Variants in SEC16B observed in about 807,000 individuals in gnomAD.
SEC16B encodes the protein SEC16 homolog B, endoplasmic reticulum export factor.
Under a neutral mutation model 141.8 loss-of-function variants are expected in SEC16B, and 115 were observed. The observed-to-expected ratio is 0.81, with a 90% CI of 0.70 to 0.95. SEC16B has a LOEUF of 0.95. Ranked by LOEUF, SEC16B falls within the 40% of genes least tolerant of loss-of-function variation. The probability of loss-of-function intolerance (pLI) is 0.00; values close to 1 mark genes in which losing one functional copy is unlikely to be tolerated. For synonymous variants in SEC16B, 493 were observed against 492.5 expected (o/e 1.00, Z -0.01); for missense variants, 1,291 against 1,312.3 (o/e 0.98, Z 0.25).
In SEC16B at chr1:177,930,646, G is replaced by A. The variant is rs1252405766; in HGVS notation, c.3013-3C>T. On this transcript the variant is annotated splice_polypyrimidine_tract_variant and splice_region_variant and intron_variant, in intron 24 of 25. Coordinates refer to ENST00000308284, the MANE Select transcript of SEC16B (RefSeq NM_033127.4). ...GAGCAGAGCTCAAAGGAAACACTCTGTGATGGAAAAGCATGGAAAATCCCA... is the reference window on the plus strand; with the variant it reads ...GAGCAGAGCTCAAAGGAAACACTCTATGATGGAAAAGCATGGAAAATCCCA... 1.9e-6 allele frequency: 3 copies of A among 1,611,088 alleles called. No individual in the cohort carries two copies. The highest frequency in any genetic ancestry group is 2.5e-6 in the Non-Finnish European group (3 of 1,177,894).
intron 13 of SEC16B, among the ~76,000 whole-genome samples, chr1:177,947,598 G>C (rs1651808405): frequency 6.6e-6 from 1 of 151,748 alleles, no homozygotes; most frequent in African/African-American, 2.4e-5. Context: ...CCAAAACATG[G>C]AGGCTCCTGG....
At chr1:177,940,896 C>T (rs1157933949) in intron 16 of SEC16B, among the ~76,000 whole-genome samples, 182 bp from the exon 17 acceptor site, 1 of 152,206 alleles carries the variant, frequency 6.6e-6, no homozygotes, top group Non-Finnish European at 1.5e-5. Context: ...CAGATATCCT[C>T]CCAAAATTGC....
rs202059411 is a variant in SEC16B, at chr1:177,944,589, C to G, written c.1853G>C (p.Arg618Pro). Residue 618 changes from arginine to proline, a missense_variant, in exon 15 of 26, where the codon CGC becomes CCC. Arg to Pro is a moderately radical substitution (Grantham distance 103). Transcript: ENST00000308284. ...GAAAGAAGGGATGAAGGATTTGGGG[C>G]GGCCCAGCATCTGACAGTACTCGAA... is the stretch of plus-strand genomic sequence containing the variant. ...EIFEYCQMLG[R>P]PKSFIPSFQV... 9.7e-5 allele frequency: 156 copies of G among 1,613,556 alleles called. No homozygotes were observed. The highest frequency in any genetic ancestry group is 1.2e-4 in the Non-Finnish European group (143 of 1,179,712).
At chr1:177,955,709 A>G (rs1652549056) in intron 10 of SEC16B, among the ~76,000 whole-genome samples, 2 of 152,212 alleles carry the variant, frequency 1.3e-5, no homozygotes, top group African/African-American at 4.8e-5. Context: ...ATGTATGAAA[A>G]CAGGCACTCT....
Position 177,965,952 on chromosome 1 carries a change from T to C in SEC16B, c.353A>G (p.Glu118Gly), listed in dbSNP as rs1653484417. Reference protein sequence around the residue: ...QSYQSPTMREEYAYGSYYYHG... With the variant: ...QSYQSPTMREGYAYGSYYYHG... ...ATAGTAATAACTTCCATAAGCATAT[T>C]CCTCCCTCATTGTGGGAGACTGATA... Residue 118 changes from glutamate (E) to glycine (G), a missense_variant, in exon 3 of 26, where the codon GAA becomes GGA. This residue lies in a region of SEC16B where 681 missense variants were observed against 675.5 expected (regional missense o/e 1.01). Coordinates refer to ENST00000308284, the MANE Select transcript of SEC16B (RefSeq NM_033127.4). 2 of 1,599,236 alleles carry C rather than the reference T, an allele frequency of 1.3e-6. No individual in the cohort carries two copies. Among genetic ancestry groups the C allele is most frequent in the African/African-American group, 2.7e-5 (2 of 74,782 alleles).
At position 177,946,401 on chromosome 1, in the gene SEC16B, T is replaced by C; in HGVS notation, c.1775+19A>G. The C allele has an allele frequency of 2.0e-6, 3 of 1,520,640 alleles. No individual in the cohort carries two copies. Among genetic ancestry groups the C allele is most frequent in the African/African-American group, 1.4e-5 (1 of 72,628 alleles). 94.2% of individuals were successfully genotyped at this position (1,520,640 alleles called of 1,614,324 possible). On this transcript the variant is annotated intron_variant, in intron 14 of 25. Transcript: ENST00000308284. ...CTTGGAAAATGTCCTTACTGTTTCC[T>C]TTCTCCCAGGTCGCATACCTGTGGC...
At chr1:177,942,934 A>G (rs1051868463) in intron 15 of SEC16B, among the ~76,000 whole-genome samples, 1 of 152,158 alleles carries the variant, frequency 6.6e-6, no homozygotes. Flanking sequence ...GTTGTTATGG[A>G]GATTAAATGA....
chr1:177,965,878 G>A lies in SEC16B; in HGVS notation c.412+15C>T. 1 of 1,515,608 alleles carries A rather than the reference G, an allele frequency of 6.6e-7. No individual in the cohort carries two copies. 93.9% of individuals were successfully genotyped at this position (1,515,608 alleles called of 1,614,324 possible). A position where few individuals can be genotyped will look rare whatever the true frequency, so the allele number is the denominator to read the frequency against. On this transcript the variant is annotated intron_variant, in intron 3 of 25. Transcript: ENST00000308284. The stretch of plus-strand genomic sequence containing the variant: ...ATCCCCAAATCCCAGAGGCTTCTTG[G>A]AGACTTTTCCATACCTCTTTCTTCC...
intron 1 of SEC16B, among the ~76,000 whole-genome samples, chr1:177,976,397 C>G (rs768217044): frequency 3.9e-4 from 59 of 152,168 alleles, no homozygotes; most frequent in Non-Finnish European, 6.0e-4. Context: ...AGAGGTGACT[C>G]ATAAACCCAC....
intron 13 of SEC16B, among the ~76,000 whole-genome samples, chr1:177,946,842 T>C (rs1037036217): frequency 8.1e-4 from 123 of 152,114 alleles, no homozygotes; most frequent in African/African-American, 2.9e-3. Context: ...GGGTGAAAAA[T>C]GAGTTTGAAA....
At position 177,940,724 on chromosome 1, in the gene SEC16B, G is replaced by A; in HGVS notation, c.2023-10C>T. ...TCAGTTTCTCTGCTAGCTGTGCCAG[G>A]TTTCCAGATGGGTTAGGGGCAGAAA... On this transcript the variant is annotated splice_polypyrimidine_tract_variant and intron_variant, in intron 16 of 25. Transcript: ENST00000308284. The A allele has an allele frequency of 6.2e-7, 1 of 1,605,798 alleles. No homozygotes were observed. The highest frequency in any genetic ancestry group is 8.5e-7 in the Non-Finnish European group (1 of 1,173,500).
intron 1 of SEC16B, among the ~76,000 whole-genome samples, chr1:177,981,087 C>T (rs1221377350): frequency 6.6e-6 from 1 of 151,966 alleles, no homozygotes; most frequent in African/African-American, 2.4e-5. Flanking sequence ...TATGTGCAAA[C>T]CCCTGATGTT....
rs369208149 is a variant in SEC16B at position 177,954,323 on chromosome 1, C to T, written c.1419G>A (p.Leu473=). 1 of 1,575,040 alleles carries T rather than the reference C, an allele frequency of 6.3e-7. No homozygotes were observed. The highest frequency in any genetic ancestry group is 8.6e-7 in the Non-Finnish European group (1 of 1,159,256). The change falls in exon 11 of 26, where the codon CTG becomes CTA. Residue 473 remains leucine, a synonymous_variant. Transcript: ENST00000308284. ...KNHLWGHALF[L]SSKMDPQTYS... Reference sequence around the variant, plus strand: ...AGGTCTGTGGGTCCATCTTGCTGGACAGGAACAAAGCATGGCCCCACAAGT... The same window carrying T: ...AGGTCTGTGGGTCCATCTTGCTGGATAGGAACAAAGCATGGCCCCACAAGT...
At chr1:177,954,175 T>G in intron 11 of SEC16B, 104 bp downstream of exon 11, 58 of 737,110 alleles carry the variant, frequency 7.9e-5, no homozygotes, top group Non-Finnish European at 1.2e-4. Context: ...CCCTGGAGTG[T>G]GAGTCTCCTT....
chr1:177,935,188 C>T (rs1341119187), intron 20 of SEC16B, among the ~76,000 whole-genome samples: 1 of 152,120 alleles, frequency 6.6e-6, no homozygotes, highest in Non-Finnish European at 1.5e-5. Context: ...AAGTGAGATG[C>T]CTGGCGCGTA....
At position 177,933,994 on chromosome 1, in the gene SEC16B, C is replaced by G. The variant is rs1452788834; in HGVS notation, c.2572-358G>C. Among the ~76,000 whole-genome samples, 7 of 150,344 alleles carry G rather than the reference C, an allele frequency of 4.7e-5. No individual in the cohort carries two copies. The South Asian group carries it at 1.0e-3, about 23-fold the overall frequency. On this transcript the variant is annotated intron_variant, in intron 20 of 25. Transcript: ENST00000308284. Reference sequence around the variant, plus strand: ...ACCCACAGAGGCCCACAAGCTCCCCCCAAAAAAAAAAAAACAGAGAATGTA... The same window carrying G: ...ACCCACAGAGGCCCACAAGCTCCCCGCAAAAAAAAAAAAACAGAGAATGTA...
Position 177,965,010 on chromosome 1 carries a change from A to T in SEC16B, c.533+37T>A, listed in dbSNP as rs1472909612. On this transcript the variant is annotated intron_variant, in intron 4 of 25. Transcript: ENST00000308284. The stretch of plus-strand genomic sequence containing the variant: ...TTGCCCGACATAGTCTGAGTTTGAC[A>T]ACATCATGTCAAACTGGCCTCTCCT... The T allele has an allele frequency of 3.7e-6, 6 of 1,609,262 alleles. No homozygotes were observed. The South Asian group carries it at 6.7e-5, about 18-fold the overall frequency.
chr1:177,944,298 G>A (rs548842080), intron 15 of SEC16B, among the ~76,000 whole-genome samples: 94 of 152,272 alleles, frequency 6.2e-4, no homozygotes, highest in South Asian at 1.2e-3. Flanking sequence ...AGGCCGGGGC[G>A]GCAGGCAGGA....
Position 177,932,766 on chromosome 1 carries a change from C to A in SEC16B, c.2864G>T (p.Gly955Val). The change falls in exon 23 of 26, where the codon GGC becomes GTC. Residue 955 changes from glycine to valine, a missense_variant. Gly to Val is a moderately radical substitution (Grantham distance 109). This residue lies in a region of SEC16B where 605 missense variants were observed against 614.1 expected (regional missense o/e 0.99). Coordinates refer to ENST00000308284, the MANE Select transcript of SEC16B (RefSeq NM_033127.4). Reference protein sequence around the residue: ...RASSPHQAGLGLSLTPSPESP... With the variant: ...RASSPHQAGLVLSLTPSPESP... ...CTCAGGGGAAGGTGTCAGTGAGAGG[C>A]CCAGGCCAGCCTGGTGGGGAGAAGA... is the stretch of plus-strand genomic sequence containing the variant. The A allele has an allele frequency of 1.2e-6, 2 of 1,612,520 alleles. No individual in the cohort carries two copies. The highest frequency in any genetic ancestry group is 1.7e-6 in the Non-Finnish European group (2 of 1,179,432).
Sources: gnomAD v4.1 joint callset for allele counts (sites outside exome capture counted in the v4.1 genomes callset) on GRCh38, gnomAD v4.1.1 for gene constraint, gnomAD v4.1.1 regional missense constraint, MANE v1.5 for transcripts, NCBI Gene and HGNC (gene_info 2026-07-23, HGNC 2026-07-21) for gene names.